Variants in CSMD1 observed in about 807,000 individuals in gnomAD.
CSMD1 encodes CUB and Sushi multiple domains 1.
CSMD1 carries 213 observed loss-of-function variants against 417.5 expected under a neutral mutation model. That is an observed-to-expected ratio of 0.51 (90% CI 0.46 to 0.57). The LOEUF (loss-of-function observed/expected upper bound fraction) is 0.57, where lower values mean the gene tolerates loss of function less well. Ranked by LOEUF, CSMD1 falls within the 20% of genes least tolerant of loss-of-function variation. CSMD1 has a pLI of 0.00. For missense variants in CSMD1, 6,923 were observed against 4,529.7 expected, an observed-to-expected ratio of 1.53 and a Z score of -15.17; for synonymous variants, 2,862 against 1,736.8, an observed-to-expected ratio of 1.65 and a Z score of -16.11.
chr8:3,670,589 G>A (rs150007284), intron 7 of CSMD1, among the ~76,000 whole-genome samples: 2 of 145,006 alleles, frequency 1.4e-5, no homozygotes, highest in Non-Finnish European at 3.0e-5. Context: ...ATATATATGG[G>A]GATATATATA....
intron 2 of CSMD1, among the ~76,000 whole-genome samples, chr8:4,478,752 A>C (rs1266781580): frequency 6.6e-6 from 1 of 152,224 alleles, no homozygotes; most frequent in African/African-American, 2.4e-5. Flanking sequence ...GCTCATAGAA[A>C]TTCATAAAAT....
chr8:4,396,781 G>T (rs1804253654), intron 3 of CSMD1, among the ~76,000 whole-genome samples: 1 of 152,096 alleles, frequency 6.6e-6, no homozygotes, highest in African/African-American at 2.4e-5. Context: ...CTCAGGAATA[G>T]AAAACCAAAC....
chr8:3,818,831 G>T (rs910163921), intron 5 of CSMD1, among the ~76,000 whole-genome samples: 1 of 152,122 alleles, frequency 6.6e-6, no homozygotes, highest in Non-Finnish European at 1.5e-5. Flanking sequence ...TTTAACTACT[G>T]TGAATGACAA....
At chr8:4,209,119 C>G (rs902185249) in intron 3 of CSMD1, among the ~76,000 whole-genome samples, 1 of 152,190 alleles carries the variant, frequency 6.6e-6, no homozygotes, top group Non-Finnish European at 1.5e-5. Flanking sequence ...ACAGTGTTAA[C>G]ACATCTTCAT....
At chr8:4,433,157 C>A (rs1211140101) in intron 2 of CSMD1, among the ~76,000 whole-genome samples, 1 of 152,188 alleles carries the variant, frequency 6.6e-6, no homozygotes, top group East Asian at 1.9e-4. Context: ...AGAGCTCCCA[C>A]TGATTCTGCA....
At chr8:3,125,330 G>A (rs1817443576) in intron 41 of CSMD1, among the ~76,000 whole-genome samples, 3 of 152,214 alleles carry the variant, frequency 2.0e-5, no homozygotes, top group Admixed American at 2.0e-4. Context: ...AGGTGTGAGA[G>A]GGCGAAGGAG....
intron 1 of CSMD1, among the ~76,000 whole-genome samples, chr8:4,786,236 G>A (rs143051431): frequency 5.9e-4 from 89 of 152,130 alleles, no homozygotes; most frequent in African/African-American, 2.1e-3. Flanking sequence ...TCACTAACGG[G>A]TTAAAAAATA....
chr8:4,906,196 C>T (rs1805263825), intron 1 of CSMD1, among the ~76,000 whole-genome samples: 1 of 152,126 alleles, frequency 6.6e-6, no homozygotes, highest in Non-Finnish European at 1.5e-5. Flanking sequence ...AGAAAATCAC[C>T]CTTTCACTAG....
At chr8:3,432,011 T>C (rs919928125) in intron 12 of CSMD1, among the ~76,000 whole-genome samples, 1 of 152,304 alleles carries the variant, frequency 6.6e-6, no homozygotes, top group South Asian at 2.1e-4. Context: ...GATCACTGTG[T>C]GAATTCCATG....
chr8:3,467,408 C>T (rs975671950), intron 12 of CSMD1, among the ~76,000 whole-genome samples: 15 of 152,206 alleles, frequency 9.9e-5, no homozygotes, highest in Admixed American at 9.8e-4. Flanking sequence ...CTCCACCATA[C>T]TTTCCTGAAT....
rs1186200309 is a variant in CSMD1, at chr8:2,935,550, A to C, written c.*3035T>G. The C allele has an allele frequency of 6.6e-6, 1 of 152,188 alleles. No individual in the cohort carries two copies. The highest frequency in any genetic ancestry group is 1.5e-5 in the Non-Finnish European group (1 of 68,040). The allele number at this position is 152,188 out of a possible 1,614,324, so 9.4% of individuals were successfully genotyped here. A position where few individuals can be genotyped will look rare whatever the true frequency, so the allele number is the denominator to read the frequency against. ...ATCAGCTAGAGATGGTACATTTTACATTATTGGGAAAATTACAGTTCTGTA... is the reference window on the plus strand; with the variant it reads ...ATCAGCTAGAGATGGTACATTTTACCTTATTGGGAAAATTACAGTTCTGTA... On this transcript the variant is annotated 3_prime_UTR_variant, in exon 70 of 70. Coordinates refer to ENST00000635120, the MANE Select transcript of CSMD1 (RefSeq NM_033225.6).
intron 15 of CSMD1, among the ~76,000 whole-genome samples, chr8:3,405,190 T>C (rs1215725240): frequency 6.6e-6 from 1 of 152,200 alleles, no homozygotes; most frequent in Non-Finnish European, 1.5e-5. Context: ...TTTACTTTTC[T>C]TCTTAAATTT....
In CSMD1 at chr8:3,412,040, A is replaced by G. The variant is rs1361262191; in HGVS notation, c.1562-2435T>C. On this transcript the variant is annotated intron_variant, in intron 12 of 69. Coordinates refer to ENST00000635120, the MANE Select transcript of CSMD1 (RefSeq NM_033225.6). ...CATATACACACGTATATATACACATATATACACGTATATATACACACGTAT... is the reference window on the plus strand; with the variant it reads ...CATATACACACGTATATATACACATGTATACACGTATATATACACACGTAT... Among the ~76,000 whole-genome samples the G allele has an allele frequency of 6.7e-4, 45 of 67,644 alleles. 3 individuals are homozygous for G. Among genetic ancestry groups the G allele is most frequent in the South Asian group, 1.0e-3 (2 of 1,988 alleles). 44.4% of individuals were successfully genotyped at this position (67,644 alleles called of 152,430 possible). A position where few individuals can be genotyped will look rare whatever the true frequency, so the allele number is the denominator to read the frequency against.
rs540650831 is a variant in CSMD1, at chr8:4,314,718, A to T, written c.415+105235T>A. Among the ~76,000 whole-genome samples the T allele has an allele frequency of 2.6e-5, 4 of 152,342 alleles. No homozygotes were observed. In the East Asian group the frequency reaches 5.8e-4, roughly 22 times the overall value. On this transcript the variant is annotated intron_variant, in intron 3 of 69. Coordinates refer to ENST00000635120, the MANE Select transcript of CSMD1 (RefSeq NM_033225.6). ...AGTTTTTATGTGTTCTTACGTACAC[A>T]CATACATCCTGTTTTCTCATTTACA...
intron 11 of CSMD1, among the ~76,000 whole-genome samples, chr8:3,491,889 A>G (rs1818399746): frequency 6.6e-6 from 1 of 152,160 alleles, no homozygotes; most frequent in Non-Finnish European, 1.5e-5. Flanking sequence ...AGTTAGAAAG[A>G]GACAGAATGA....
At chr8:4,789,212 A>T (rs1206997463) in intron 1 of CSMD1, among the ~76,000 whole-genome samples, 1 of 152,200 alleles carries the variant, frequency 6.6e-6, no homozygotes, top group Non-Finnish European at 1.5e-5. Context: ...TATTATTTGT[A>T]GTTAATATAA....
At chr8:4,661,020 G>T (rs947204050) in intron 1 of CSMD1, among the ~76,000 whole-genome samples, 2 of 152,120 alleles carry the variant, frequency 1.3e-5, no homozygotes, top group African/African-American at 2.4e-5. Context: ...TTGCTGGTTG[G>T]AATGCAAAAT....
chr8:3,893,168 A>C (rs989181341), intron 5 of CSMD1, among the ~76,000 whole-genome samples: 3 of 151,684 alleles, frequency 2.0e-5, no homozygotes, highest in African/African-American at 7.3e-5. Flanking sequence ...CCAAAGCTGC[A>C]GTGAAAAAAC....
intron 57 of CSMD1, among the ~76,000 whole-genome samples, chr8:2,967,758 A>G (rs922024643): frequency 3.3e-5 from 5 of 152,236 alleles, no homozygotes; most frequent in Admixed American, 6.5e-5. Context: ...GAGAACAAAG[A>G]TATATTTTTC....
Sources: gnomAD v4.1 joint callset for allele counts (sites outside exome capture counted in the v4.1 genomes callset) on GRCh38, gnomAD v4.1.1 for gene constraint, MANE v1.5 for transcripts, NCBI Gene and HGNC (gene_info 2026-07-23, HGNC 2026-07-21) for gene names.